The following TNKS2 variants were observed in gnomAD, a reference collection of about 807,000 sequenced individuals.
The protein encoded by TNKS2 is tankyrase 2.
Under a neutral mutation model 137.6 loss-of-function variants are expected in TNKS2, and 72 were observed. That is an observed-to-expected ratio of 0.52 (90% CI 0.43 to 0.64). The LOEUF (loss-of-function observed/expected upper bound fraction) is 0.64. TNKS2 is among the 30% of genes least tolerant of loss of function. TNKS2 has a pLI of 0.00. For synonymous variants in TNKS2, 516 were observed against 512.1 expected (o/e 1.01, Z -0.10); for missense variants, 1,049 against 1,410.2 (o/e 0.74, Z 4.10).
At chr10:91,822,092 T>A (rs1439222946) in intron 6 of TNKS2, among the ~76,000 whole-genome samples, 1 of 152,166 alleles carries the variant, frequency 6.6e-6, no homozygotes, top group Middle Eastern at 3.2e-3. Context: ...TAAAGGAACA[T>A]GGATTTGAAA....
chr10:91,845,728 T>C (rs1842351076), intron 17 of TNKS2, 24 bp from the exon 18 acceptor site: 1 of 1,439,632 alleles, frequency 6.9e-7, no homozygotes, highest in African/African-American at 1.4e-5. Flanking sequence ...TATTTCAGAC[T>C]GTAACGGGTA....
At chr10:91,854,902 A>G (rs1187090829) in intron 21 of TNKS2, 127 bp from the exon 22 acceptor site, 5 of 472,660 alleles carry the variant, frequency 1.1e-5, no homozygotes, top group East Asian at 4.0e-5. Flanking sequence ...CTGTCTCAAA[A>G]AAAAAAAAAA....
At chr10:91,828,601 T>C (rs886783448) in intron 9 of TNKS2, among the ~76,000 whole-genome samples, 195 bp downstream of exon 9, 3 of 152,192 alleles carry the variant, frequency 2.0e-5, no homozygotes, top group African/African-American at 7.2e-5. Context: ...AATGCTATTA[T>C]CAGTTCGAGA....
rs1024741319 is a variant in TNKS2 at position 91,848,748 on chromosome 10, A to T, written c.2611+113A>T. ...AAATACAAGGTATTAGTATAAAATTAGTTAACATAGCCTTAAAAAGGTTTA... is the reference window on the plus strand; with the variant it reads ...AAATACAAGGTATTAGTATAAAATTTGTTAACATAGCCTTAAAAAGGTTTA... On this transcript the variant is annotated intron_variant, in intron 19 of 26. Transcript: ENST00000371627. 1.9e-5 allele frequency: 24 copies of T among 1,247,346 alleles called. No homozygotes were observed. The Admixed American group carries it at 5.2e-4, about 27-fold the overall frequency. 77.3% of individuals were successfully genotyped at this position (1,247,346 alleles called of 1,614,324 possible). A position where few individuals can be genotyped will look rare whatever the true frequency, so the allele number is the denominator to read the frequency against.
At position 91,855,619 on chromosome 10, in the gene TNKS2, AAGTACAGTTCGAGAGCAC is replaced by A. The variant is rs1161725507; in HGVS notation, c.2922_2939del (p.Ser974_His979del). 6.2e-7 allele frequency: 1 copy of A among 1,610,166 alleles called. No individual in the cohort carries two copies. The highest frequency in any genetic ancestry group is 1.1e-5 in the South Asian group (1 of 90,602). ...TCAAACCATTTTTCTGACAGATGCAAAGTACAGTTCGAGAGCACAGAGATGGAGGTCATGCAGGTGGAA... is the reference window on the plus strand; with the variant it reads ...TCAAACCATTTTTCTGACAGATGCAAAGAGATGGAGGTCATGCAGGTGGAA... On this transcript the variant is annotated inframe_deletion, in exon 23 of 27. Coordinates refer to ENST00000371627, the MANE Select transcript of TNKS2 (RefSeq NM_025235.4).
At chr10:91,849,129 C>G (rs1302507654) in intron 19 of TNKS2, among the ~76,000 whole-genome samples, 1 of 151,970 alleles carries the variant, frequency 6.6e-6, no homozygotes, top group African/African-American at 2.4e-5. Context: ...GAGCCACCGC[C>G]CCCCGCCCTT....
chr10:91,802,326 C>G (rs1261802554), intron 1 of TNKS2, among the ~76,000 whole-genome samples: 3 of 152,176 alleles, frequency 2.0e-5, no homozygotes, highest in Admixed American at 6.5e-5. Flanking sequence ...TGAAAGAAGA[C>G]TATACCATGT....
intron 25 of TNKS2, among the ~76,000 whole-genome samples, chr10:91,860,483 A>G (rs1842824362): frequency 1.3e-5 from 2 of 152,156 alleles, no homozygotes; most frequent in African/African-American, 2.4e-5. Flanking sequence ...AAGTTCCCAG[A>G]TGTGACACTG....
chr10:91,862,416 A>AT (rs1254809283), intron 26 of TNKS2, among the ~76,000 whole-genome samples: 2 of 151,930 alleles, frequency 1.3e-5, no homozygotes, highest in East Asian at 1.9e-4. Context: ...GTGTGTACCT[A>AT]TTTTTTTGTG....
intron 2 of TNKS2, among the ~76,000 whole-genome samples, chr10:91,816,897 A>G (rs1844721235): frequency 6.6e-6 from 1 of 152,218 alleles, no homozygotes; most frequent in Admixed American, 6.5e-5. Flanking sequence ...ATAGCAAAGG[A>G]AAATCTGCAT....
intron 7 of TNKS2, among the ~76,000 whole-genome samples, chr10:91,823,753 G>A (rs1477862207): frequency 6.6e-6 from 1 of 152,078 alleles, no homozygotes; most frequent in African/African-American, 2.4e-5. Context: ...TACTCCTTCA[G>A]CACTTTTCCC....
chr10:91,816,770 C>T (rs765539378), intron 2 of TNKS2, among the ~76,000 whole-genome samples: 8 of 150,188 alleles, frequency 5.3e-5, no homozygotes, highest in African/African-American at 7.4e-5. Context: ...TCATGATGAA[C>T]AGTCTTTCTA....
At position 91,798,649 on chromosome 10, in the gene TNKS2, C is replaced by T. The variant is rs774412806; in HGVS notation, c.-42C>T. ...GCTCGCGGGGCCGGGGCTCCTGCTCCGGTTGCTGGCGCTGTTGCTGGCTGT... is the reference window on the plus strand; with the variant it reads ...GCTCGCGGGGCCGGGGCTCCTGCTCTGGTTGCTGGCGCTGTTGCTGGCTGT... On this transcript the variant is annotated 5_prime_UTR_variant, in exon 1 of 27. Transcript: ENST00000371627. 15 of 1,216,784 alleles carry T rather than the reference C, an allele frequency of 1.2e-5. No homozygotes were observed. Among genetic ancestry groups the T allele is most frequent in the Admixed American group, 4.3e-5 (1 of 22,990 alleles). 75.4% of individuals were successfully genotyped at this position (1,216,784 alleles called of 1,614,324 possible). A position where few individuals can be genotyped will look rare whatever the true frequency, so the allele number is the denominator to read the frequency against.
At chr10:91,820,445 G>C (rs950705162) in intron 6 of TNKS2, among the ~76,000 whole-genome samples, 1 of 152,234 alleles carries the variant, frequency 6.6e-6, no homozygotes, top group African/African-American at 2.4e-5. Flanking sequence ...ACATTAGTCT[G>C]TAAGACAATT....
chr10:91,828,257 T>C (rs765125208), intron 8 of TNKS2, 28 bp from the exon 9 acceptor site: 2 of 1,524,154 alleles, frequency 1.3e-6, no homozygotes, highest in African/African-American at 1.4e-5. Context: ...GAACTCGTTA[T>C]ACATGTAAAT....
At chr10:91,858,815 C>T (rs1210078549) in intron 24 of TNKS2, among the ~76,000 whole-genome samples, 1 of 152,112 alleles carries the variant, frequency 6.6e-6, no homozygotes. Context: ...TTGAGACCAG[C>T]CTGACCAATA....
At chr10:91,859,754 G>A in intron 25 of TNKS2, 106 bp downstream of exon 25, 1 of 870,210 alleles carries the variant, frequency 1.1e-6, no homozygotes, top group Non-Finnish European at 1.7e-6. Context: ...ATGCAAGCTA[G>A]GCATGTTTTA....
rs780087278 is a variant in TNKS2 at position 91,833,903 on chromosome 10, T to C, written c.1326T>C (p.Tyr442=). The C allele has an allele frequency of 4.0e-5, 65 of 1,613,728 alleles. No individual in the cohort carries two copies. Among genetic ancestry groups the C allele is most frequent in the Non-Finnish European group, 5.2e-5 (61 of 1,179,890 alleles). ...LGQTSLHRAA[Y]CGHLQTCRLL... ...AGACTTCTCTACACAGAGCTGCATA[T>C]TGTGGTCATCTACAAACCTGCCGCC... The change falls in exon 12 of 27, where the codon TAT becomes TAC. Residue 442 remains tyrosine (Y), a synonymous_variant. Coordinates refer to ENST00000371627, the MANE Select transcript of TNKS2 (RefSeq NM_025235.4).
intron 7 of TNKS2, among the ~76,000 whole-genome samples, chr10:91,825,079 G>T (rs2133622605): frequency 1.3e-5 from 2 of 152,128 alleles, no homozygotes; most frequent in South Asian, 4.1e-4. Flanking sequence ...GTTTGGTTTG[G>T]TTTGGTTTGG....
Sources: allele counts gnomAD v4.1 joint callset (sites outside exome capture counted in the v4.1 genomes callset), GRCh38; gene constraint gnomAD v4.1.1; transcripts MANE v1.5; gene names NCBI Gene and HGNC (gene_info 2026-07-23, HGNC 2026-07-21).